The following CDH12 variants were observed in gnomAD, a reference collection of about 807,000 sequenced individuals.
CDH12 encodes the protein cadherin-12.
Under a neutral mutation model 74.1 loss-of-function variants are expected in CDH12, and 41 were observed. The observed-to-expected ratio is 0.55, with a 90% CI of 0.43 to 0.72. CDH12 has a LOEUF of 0.72. Ranked by LOEUF, CDH12 falls within the 30% of genes least tolerant of loss-of-function variation. The pLI, the probability that CDH12 is intolerant of heterozygous loss-of-function variation, is 0.00. For missense variants in CDH12, 945 were observed against 977.2 expected (o/e 0.97, Z 0.44); for synonymous variants, 399 against 355.0 (o/e 1.12, Z -1.39).
At chr5:22,750,900 T>C (rs1423994884) in intron 1 of CDH12, among the ~76,000 whole-genome samples, 3 of 144,288 alleles carry the variant, frequency 2.1e-5, no homozygotes, top group African/African-American at 7.8e-5. Context: ...TGGTATTTAA[T>C]GTTAGGAAAT....
At chr5:22,843,340 C>G (rs2126526915) in intron 1 of CDH12, among the ~76,000 whole-genome samples, 1 of 152,080 alleles carries the variant, frequency 6.6e-6, no homozygotes, top group South Asian at 2.1e-4. Context: ...GCACAATGTT[C>G]TTTTTCTCTG....
At chr5:22,368,250 T>C (rs1741117120) in intron 3 of CDH12, among the ~76,000 whole-genome samples, 1 of 152,016 alleles carries the variant, frequency 6.6e-6, no homozygotes. Context: ...AATAGCTCTT[T>C]GAGATATTTT....
chr5:22,755,661 T>C lies in CDH12; in HGVS notation c.-523+97397A>G, dbSNP rs148494769. On this transcript the variant is annotated intron_variant, in intron 1 of 14. Coordinates refer to ENST00000382254, the MANE Select transcript of CDH12 (RefSeq NM_004061.5). The stretch of plus-strand genomic sequence containing the variant: ...AAGGACAATGTTGACATCTTTCTTC[T>C]CTTGTGTTAAGCTGGTGACACTCTC... Among the ~76,000 whole-genome samples the C allele has an allele frequency of 6.1e-3, 932 of 152,244 alleles. 10 individuals are homozygous for C. The highest frequency in any genetic ancestry group is 0.021 in the African/African-American group (890 of 41,568).
At chr5:22,691,648 T>C (rs1370645854) in intron 1 of CDH12, among the ~76,000 whole-genome samples, 1 of 152,218 alleles carries the variant, frequency 6.6e-6, no homozygotes, top group Non-Finnish European at 1.5e-5. Context: ...CATCTGGGCC[T>C]ATAATGCCTC....
chr5:22,760,534 C>T (rs576018302), intron 1 of CDH12, among the ~76,000 whole-genome samples: 1 of 151,904 alleles, frequency 6.6e-6, no homozygotes, highest in African/African-American at 2.4e-5. Context: ...CAAAAATTAG[C>T]TGGGCATGGT....
intron 8 of CDH12, among the ~76,000 whole-genome samples, chr5:21,829,736 T>C (rs1033693035): frequency 6.6e-6 from 1 of 152,184 alleles, no homozygotes; most frequent in Non-Finnish European, 1.5e-5. Context: ...CAGAAATCTA[T>C]GTATTAAAGG....
In CDH12 at chr5:21,752,308, A is replaced by G. The variant is rs540591155; in HGVS notation, c.1886-72T>C. Reference sequence around the variant, plus strand: ...TCATTTCATCTCTCCATAAAAATTAAAAATGATTAGGGGTGGCTGAGTTTC... The same window carrying G: ...TCATTTCATCTCTCCATAAAAATTAGAAATGATTAGGGGTGGCTGAGTTTC... On this transcript the variant is annotated intron_variant, in intron 14 of 14. Transcript: ENST00000382254. The G allele has an allele frequency of 2.0e-4, 279 of 1,416,932 alleles. 1 individual carries two copies. The African/African-American group carries it at 3.8e-3, about 19-fold the overall frequency. The allele number at this position is 1,416,932 out of a possible 1,614,324, so 87.8% of individuals were successfully genotyped here. A position where few individuals can be genotyped will look rare whatever the true frequency, so the allele number is the denominator to read the frequency against.
rs374653522 is a variant in CDH12 at position 22,550,949 on chromosome 5, C to T, written c.-522-45585G>A. Among the ~76,000 whole-genome samples, 3 of 152,108 alleles carry T rather than the reference C, an allele frequency of 2.0e-5. No individual in the cohort carries two copies. The East Asian group carries it at 5.8e-4, about 29-fold the overall frequency. ...GGTGATAATTGCACCTAAGAGTAAA[C>T]TTAGCTGTTTTAATAAATTGCTGGC... On this transcript the variant is annotated intron_variant, in intron 1 of 14. Coordinates refer to ENST00000382254, the MANE Select transcript of CDH12 (RefSeq NM_004061.5).
intron 1 of CDH12, among the ~76,000 whole-genome samples, chr5:22,692,590 T>C (rs901722274): frequency 9.2e-5 from 14 of 152,188 alleles, no homozygotes; most frequent in Non-Finnish European, 1.6e-4. Context: ...TAGTTCTTCC[T>C]TGGGCTACAA....
intron 6 of CDH12, among the ~76,000 whole-genome samples, chr5:21,962,625 T>C (rs1412125315): frequency 6.6e-6 from 1 of 152,174 alleles, no homozygotes; most frequent in Non-Finnish European, 1.5e-5. Flanking sequence ...GTAGAGAATC[T>C]AGATGTTGTC....
At chr5:22,486,717 T>C (rs1746617900) in intron 2 of CDH12, among the ~76,000 whole-genome samples, 1 of 152,108 alleles carries the variant, frequency 6.6e-6, no homozygotes, top group Admixed American at 6.5e-5. Flanking sequence ...CCTCCCAAAG[T>C]GCTGGGATTA....
At chr5:22,562,081 G>A (rs935643952) in intron 1 of CDH12, among the ~76,000 whole-genome samples, 1 of 152,194 alleles carries the variant, frequency 6.6e-6, no homozygotes, top group Non-Finnish European at 1.5e-5. Context: ...ACTTTGGGAG[G>A]CCGAGGCGGG....
At chr5:22,477,800 T>C (rs1746226820) in intron 2 of CDH12, among the ~76,000 whole-genome samples, 1 of 152,200 alleles carries the variant, frequency 6.6e-6, no homozygotes. Flanking sequence ...GGATTCCAAC[T>C]CTTTCACCTA....
intron 8 of CDH12, among the ~76,000 whole-genome samples, chr5:21,838,394 T>C (rs1279472385): frequency 6.6e-6 from 1 of 152,078 alleles, no homozygotes; most frequent in African/African-American, 2.4e-5. Flanking sequence ...ACCCCGTCTC[T>C]AATAAAAATT....
intron 1 of CDH12, among the ~76,000 whole-genome samples, chr5:22,589,935 T>C (rs1269807979): frequency 1.3e-5 from 2 of 152,214 alleles, no homozygotes; most frequent in Admixed American, 6.5e-5. Context: ...CCAACTTCAC[T>C]TGAGATTCTA....
intron 1 of CDH12, among the ~76,000 whole-genome samples, chr5:22,827,067 A>G (rs1214601150): frequency 6.6e-6 from 1 of 152,148 alleles, no homozygotes; most frequent in East Asian, 1.9e-4. Context: ...CAGGTTTAAG[A>G]AAAAAAGTGG....
chr5:22,343,848 T>G (rs1739996914), intron 3 of CDH12, among the ~76,000 whole-genome samples: 3 of 152,220 alleles, frequency 2.0e-5, no homozygotes, highest in Admixed American at 2.0e-4. Flanking sequence ...CAACAGCAAA[T>G]TCTCTCTTAG....
chr5:22,407,148 A>G (rs1368907266), intron 2 of CDH12, among the ~76,000 whole-genome samples: 7 of 152,040 alleles, frequency 4.6e-5, no homozygotes, highest in African/African-American at 1.7e-4. Flanking sequence ...CCAGCAGCCT[A>G]TTCATATTTC....
chr5:22,306,170 T>A (rs570292961), intron 3 of CDH12, among the ~76,000 whole-genome samples: 1 of 152,324 alleles, frequency 6.6e-6, no homozygotes, highest in African/African-American at 2.4e-5. Context: ...TGCTCACCAG[T>A]TGCAATTTAT....
Sources: gnomAD v4.1 joint callset for allele counts (sites outside exome capture counted in the v4.1 genomes callset) on GRCh38, gnomAD v4.1.1 for gene constraint, MANE v1.5 for transcripts, NCBI Gene and HGNC (gene_info 2026-07-23, HGNC 2026-07-21) for gene names.